INVS: variants seen among roughly 807,000 people sequenced by gnomAD.
The protein encoded by INVS is inversin, also known as inversion of embryo turning homolog.
In INVS, 86 loss-of-function variants were observed where a neutral mutation model predicts 108.8. That is an observed-to-expected ratio of 0.79 (90% CI 0.66 to 0.95). The LOEUF (loss-of-function observed/expected upper bound fraction) is 0.95, where lower values mean the gene tolerates loss of function less well. INVS is among the 40% of genes least tolerant of loss of function. The pLI, the probability that INVS is intolerant of heterozygous loss-of-function variation, is 0.00. For missense variants in INVS, 1,169 were observed against 1,297.4 expected (o/e 0.90, Z 1.52); for synonymous variants, 455 against 473.5 (o/e 0.96, Z 0.51).
intron 3 of INVS, among the ~76,000 whole-genome samples, chr9:100,189,212 A>G (rs1588075370): frequency 1.8e-5 from 2 of 110,322 alleles, no homozygotes; most frequent in South Asian, 2.9e-4. Context: ...TATATTGTTT[A>G]TGTTTGTTTG....
intron 3 of INVS, among the ~76,000 whole-genome samples, chr9:100,178,501 A>G (rs1829784077): frequency 6.6e-6 from 1 of 152,220 alleles, no homozygotes; most frequent in Non-Finnish European, 1.5e-5. Context: ...ACACGCAAGT[A>G]TCAATAGCTG....
intron 3 of INVS, among the ~76,000 whole-genome samples, chr9:100,208,219 T>C (rs1370366219): frequency 6.6e-6 from 1 of 152,210 alleles, no homozygotes; most frequent in Non-Finnish European, 1.5e-5. Flanking sequence ...TATGTTTTGA[T>C]ATAATTTTTT....
chr9:100,222,515 A>G (rs1370043373), intron 3 of INVS, among the ~76,000 whole-genome samples: 1 of 152,192 alleles, frequency 6.6e-6, no homozygotes, highest in Non-Finnish European at 1.5e-5. Context: ...TGTTGAATGA[A>G]TGAATGAGTA....
At position 100,117,887 on chromosome 9, in the gene INVS, G is replaced by A. The variant is rs1827596662; in HGVS notation, c.107-8496G>A. On this transcript the variant is annotated intron_variant, in intron 2 of 16. Transcript: ENST00000262457. The stretch of plus-strand genomic sequence containing the variant: ...AATGGAATTAACACCCTTATAAAAG[G>A]AACCCCAGAAAGCTCTCAAGCCCTC... Among the ~76,000 whole-genome samples, 6 of 151,560 alleles carry A rather than the reference G, an allele frequency of 4.0e-5. No individual in the cohort carries two copies. In the South Asian group the frequency reaches 1.3e-3, roughly 32 times the overall value.
chr9:100,220,305 C>G (rs528195437), intron 3 of INVS, among the ~76,000 whole-genome samples: 7 of 152,102 alleles, frequency 4.6e-5, no homozygotes, highest in African/African-American at 1.7e-4. Flanking sequence ...ATCTAAGTGT[C>G]ATAATCTTTA....
At chr9:100,284,247 TA>T in intron 12 of INVS, 72 bp from the exon 13 acceptor site, 1 of 1,573,286 alleles carries the variant, frequency 6.4e-7, no homozygotes. Flanking sequence ...TCTTAAAATT[TA>T]AACTCACACA....
chr9:100,171,987 C>T (rs1046022475), intron 3 of INVS, among the ~76,000 whole-genome samples: 2 of 151,952 alleles, frequency 1.3e-5, no homozygotes, highest in African/African-American at 4.8e-5. Flanking sequence ...TAGGTTCTTA[C>T]AGGAGTTAAA....
intron 10 of INVS, among the ~76,000 whole-genome samples, chr9:100,261,053 T>C (rs1326051831): frequency 1.3e-5 from 2 of 152,242 alleles, no homozygotes; most frequent in East Asian, 3.8e-4. Flanking sequence ...GTTTAGCCAG[T>C]ATTAACTTTT....
chr9:100,263,563 C>A (rs1028164334), intron 10 of INVS, among the ~76,000 whole-genome samples: 2 of 152,128 alleles, frequency 1.3e-5, no homozygotes, highest in African/African-American at 4.8e-5. Context: ...CTTATAAGGA[C>A]CCTTGTGATT....
intron 16 of INVS, chr9:100,298,449 A>T (rs1833854971): frequency 2.2e-6 from 1 of 463,584 alleles, no homozygotes; most frequent in African/African-American, 2.1e-5. Flanking sequence ...GCTTTCCCTC[A>T]TACAGGAGAA....
chr9:100,216,323 G>A (rs1411817608), intron 3 of INVS, among the ~76,000 whole-genome samples: 1 of 151,964 alleles, frequency 6.6e-6, no homozygotes, highest in Non-Finnish European at 1.5e-5. Context: ...GGGCTAACTG[G>A]TCATTACCAC....
chr9:100,201,312 A>T (rs1014811528), intron 3 of INVS, among the ~76,000 whole-genome samples: 2 of 152,246 alleles, frequency 1.3e-5, no homozygotes, highest in African/African-American at 4.8e-5. Context: ...CCACCAAATG[A>T]AACATTATCT....
At chr9:100,157,456 C>T (rs1341268858) in intron 3 of INVS, among the ~76,000 whole-genome samples, 5 of 151,578 alleles carry the variant, frequency 3.3e-5, no homozygotes, top group African/African-American at 4.8e-5. Context: ...TTAGTAGAGA[C>T]GGGGTTTCAC....
At chr9:100,242,751 G>A in intron 7 of INVS, 72 bp downstream of exon 7, 1 of 878,842 alleles carries the variant, frequency 1.1e-6, no homozygotes, top group South Asian at 1.3e-5. Context: ...AGATTCATAT[G>A]TAGTTGTAGG....
intron 10 of INVS, among the ~76,000 whole-genome samples, chr9:100,254,249 T>C (rs1407937814): frequency 3.9e-5 from 6 of 152,202 alleles, no homozygotes; most frequent in Non-Finnish European, 8.8e-5. Context: ...CTTCGCCCAC[T>C]TTTTGATGGG....
intron 3 of INVS, among the ~76,000 whole-genome samples, chr9:100,222,305 A>G (rs1339573215): frequency 6.6e-6 from 1 of 152,212 alleles, no homozygotes; most frequent in Non-Finnish European, 1.5e-5. Flanking sequence ...ATGCATAATA[A>G]CTTCAGGTAC....
At position 100,229,815 on chromosome 9, in the gene INVS, G is replaced by A; in HGVS notation, c.603G>A (p.Val201=). The part of the protein sequence containing the change: ...NHKDPSAVHT[V]RCILDAAPTE... Reference sequence around the variant, plus strand: ...AAGATCCAAGTGCTGTTCACACAGTGAGATGCATTCTGGTGAGTTGAATGG... The same window carrying A: ...AAGATCCAAGTGCTGTTCACACAGTAAGATGCATTCTGGTGAGTTGAATGG... The change falls in exon 5 of 17, where the codon GTG becomes GTA. Residue 201 remains valine (V), a synonymous_variant. Coordinates refer to ENST00000262457, the MANE Select transcript of INVS (RefSeq NM_014425.5). The A allele has an allele frequency of 6.2e-7, 1 of 1,614,096 alleles. No individual in the cohort carries two copies. The highest frequency in any genetic ancestry group is 8.5e-7 in the Non-Finnish European group (1 of 1,179,992).
chr9:100,138,270 G>T (rs1828298816), intron 3 of INVS, among the ~76,000 whole-genome samples: 1 of 152,042 alleles, frequency 6.6e-6, no homozygotes, highest in African/African-American at 2.4e-5. Flanking sequence ...GCTGGGCGTG[G>T]TGGCACGTGC....
At chr9:100,161,364 C>CAAAAAAA (rs35392930) in intron 3 of INVS, among the ~76,000 whole-genome samples, 1 of 12,386 alleles carries the variant, frequency 8.1e-5, no homozygotes, top group African/African-American at 3.0e-4. Flanking sequence ...ACTTCCATCT[C>CAAAAAAA]AAAAAAAAAA....
Sources: allele counts gnomAD v4.1 joint callset (sites outside exome capture counted in the v4.1 genomes callset), GRCh38; gene constraint gnomAD v4.1.1; transcripts MANE v1.5; gene names NCBI Gene and HGNC (gene_info 2026-07-23, HGNC 2026-07-21).